The following CSMD1 variants were observed in gnomAD, a reference collection of about 807,000 sequenced individuals.
CSMD1 encodes the protein CUB and sushi domain-containing protein 1.
In CSMD1, 213 loss-of-function variants were observed where a neutral mutation model predicts 417.5. That is an observed-to-expected ratio of 0.51 (90% CI 0.46 to 0.57). CSMD1 has a LOEUF of 0.57. Ranked by LOEUF, CSMD1 falls within the 20% of genes least tolerant of loss-of-function variation. The pLI is 0.00. For missense variants in CSMD1, 6,923 were observed against 4,529.7 expected (o/e 1.53, Z -15.17); for synonymous variants, 2,862 against 1,736.8 (o/e 1.65, Z -16.11).
At chr8:4,643,011 G>C (rs1446940622) in intron 1 of CSMD1, among the ~76,000 whole-genome samples, 1 of 152,206 alleles carries the variant, frequency 6.6e-6, no homozygotes, top group Non-Finnish European at 1.5e-5. Flanking sequence ...GAGATGAAAA[G>C]ACTTGGGAAT....
intron 1 of CSMD1, among the ~76,000 whole-genome samples, chr8:4,785,089 G>C (rs968150423): frequency 6.6e-6 from 1 of 152,130 alleles, no homozygotes; most frequent in African/African-American, 2.4e-5. Context: ...AATCTCTCTG[G>C]GTCATGAGTG....
chr8:4,373,829 G>A (rs534994649), intron 3 of CSMD1, among the ~76,000 whole-genome samples: 2 of 152,176 alleles, frequency 1.3e-5, no homozygotes, highest in South Asian at 2.1e-4. Flanking sequence ...GACAGTACTA[G>A]CCAAAGGAGC....
At chr8:4,818,821 A>G (rs1799356911) in intron 1 of CSMD1, among the ~76,000 whole-genome samples, 1 of 152,196 alleles carries the variant, frequency 6.6e-6, no homozygotes, top group Non-Finnish European at 1.5e-5. Context: ...GAGACTCACC[A>G]TGGAATTATG....
intron 10 of CSMD1, among the ~76,000 whole-genome samples, chr8:3,560,780 G>A (rs907214982): frequency 6.6e-6 from 1 of 152,136 alleles, no homozygotes; most frequent in Non-Finnish European, 1.5e-5. Context: ...ATATCTCCTT[G>A]ATTTGACCCT....
At chr8:4,533,948 TTATA>T (rs959691790) in intron 2 of CSMD1, among the ~76,000 whole-genome samples, 2 of 148,864 alleles carry the variant, frequency 1.3e-5, no homozygotes, top group Non-Finnish European at 3.0e-5. Flanking sequence ...ATATACATAT[TTATA>T]TATATAAATA....
chr8:4,130,263 A>G (rs1265453624), intron 3 of CSMD1, among the ~76,000 whole-genome samples: 2 of 152,164 alleles, frequency 1.3e-5, no homozygotes, highest in African/African-American at 2.4e-5. Context: ...AAGGATGTCT[A>G]TATTCATGCA....
At position 4,378,082 on chromosome 8, in the gene CSMD1, G is replaced by A. The variant is rs142043646; in HGVS notation, c.415+41871C>T. 2.5e-3 allele frequency among the ~76,000 whole-genome samples: 375 copies of A among 152,292 alleles called. 1 individual carries two copies. The highest frequency in any genetic ancestry group is 8.7e-3 in the African/African-American group (361 of 41,570). ...ACTCATTCAATTACAGACTCCGAAG[G>A]TGAAGTAGATGCAAAACACAGAAGC... On this transcript the variant is annotated intron_variant, in intron 3 of 69. Coordinates refer to ENST00000635120, the MANE Select transcript of CSMD1 (RefSeq NM_033225.6).
At chr8:4,883,565 G>A (rs772041644) in intron 1 of CSMD1, among the ~76,000 whole-genome samples, 3 of 151,952 alleles carry the variant, frequency 2.0e-5, no homozygotes, top group African/African-American at 7.3e-5. Context: ...CAAGCATTTC[G>A]TATAATAGAA....
chr8:2,951,405 G>A (rs1802622437), intron 65 of CSMD1, 130 bp from the exon 66 acceptor site: 7 of 917,414 alleles, frequency 7.6e-6, no homozygotes, highest in Non-Finnish European at 1.1e-5. Flanking sequence ...AAGACAAGAG[G>A]AGCCTAGTGC....
intron 1 of CSMD1, among the ~76,000 whole-genome samples, chr8:4,975,509 G>T (rs1291473914): frequency 6.6e-6 from 1 of 152,142 alleles, no homozygotes; most frequent in Non-Finnish European, 1.5e-5. Flanking sequence ...GAAAGCAAAA[G>T]GCCAAATCAC....
intron 7 of CSMD1, among the ~76,000 whole-genome samples, chr8:3,699,204 A>G (rs560171089): frequency 3.7e-4 from 57 of 152,356 alleles, no homozygotes; most frequent in African/African-American, 1.3e-3. Flanking sequence ...CTGACTGACT[A>G]GAGCACACAA....
At chr8:3,360,989 G>C (rs1282674520) in intron 20 of CSMD1, among the ~76,000 whole-genome samples, 1 of 151,982 alleles carries the variant, frequency 6.6e-6, no homozygotes, top group African/African-American at 2.4e-5. Context: ...TACTGGTAAA[G>C]CTCTGAGGTG....
At chr8:3,967,163 T>C (rs1415780133) in intron 5 of CSMD1, among the ~76,000 whole-genome samples, 2 of 151,306 alleles carry the variant, frequency 1.3e-5, no homozygotes, top group Non-Finnish European at 3.0e-5. Flanking sequence ...TTAAAATGTT[T>C]ATGTATTCCT....
At chr8:3,560,010 CG>C (rs1563154448) in intron 10 of CSMD1, among the ~76,000 whole-genome samples, 1 of 151,936 alleles carries the variant, frequency 6.6e-6, no homozygotes, top group Non-Finnish European at 1.5e-5. Context: ...GAGTGGCCAG[CG>C]TAAGGGATTT....
intron 2 of CSMD1, among the ~76,000 whole-genome samples, chr8:4,466,525 A>AG (rs1800180602): frequency 6.6e-6 from 1 of 152,236 alleles, no homozygotes; most frequent in Non-Finnish European, 1.5e-5. Context: ...AAGGCAATGG[A>AG]AAGCTGTGTT....
intron 3 of CSMD1, among the ~76,000 whole-genome samples, chr8:4,342,517 C>G (rs527825409): frequency 1.3e-5 from 2 of 152,018 alleles, no homozygotes; most frequent in African/African-American, 4.8e-5. Flanking sequence ...TCATTCCGAA[C>G]TCTGACATTT....
At chr8:3,322,707 C>A (rs1009701819) in intron 23 of CSMD1, among the ~76,000 whole-genome samples, 1 of 152,188 alleles carries the variant, frequency 6.6e-6, no homozygotes, top group Non-Finnish European at 1.5e-5. Flanking sequence ...CAGTGGAGTC[C>A]ACAGCCAGTG....
intron 52 of CSMD1, among the ~76,000 whole-genome samples, chr8:3,002,399 C>A (rs1357301567): frequency 6.6e-6 from 1 of 152,148 alleles, no homozygotes; most frequent in Admixed American, 6.5e-5. Flanking sequence ...CAGAAGAGCC[C>A]ATCAGCCCAG....
Position 2,949,330 on chromosome 8 carries a change from T to C in CSMD1, c.10371A>G (p.Lys3457=). 3 of 1,607,912 alleles carry C rather than the reference T, an allele frequency of 1.9e-6. No individual in the cohort carries two copies. The highest frequency in any genetic ancestry group is 2.6e-6 in the Non-Finnish European group (3 of 1,176,360). ...TTTCTAGCTTAAATTTTCCAAAGTCTTTTCCATGAATGTCACCTTGAAAAG... is the reference window on the plus strand; with the variant it reads ...TTTCTAGCTTAAATTTTCCAAAGTCCTTTCCATGAATGTCACCTTGAAAAG... ...GFTFQGDIHG[K]DFGKFKLERQ... The change falls in exon 68 of 70, where the codon AAA becomes AAG. Residue 3457 remains lysine, a synonymous_variant. Transcript: ENST00000635120.
Sources: gnomAD v4.1 joint callset for allele counts (sites outside exome capture counted in the v4.1 genomes callset) on GRCh38, gnomAD v4.1.1 for gene constraint, MANE v1.5 for transcripts, NCBI Gene and HGNC (gene_info 2026-07-23, HGNC 2026-07-21) for gene names.